The following CNTNAP2 variants were observed in gnomAD, a reference collection of about 807,000 sequenced individuals.
CNTNAP2 encodes the protein contactin-associated protein-like 2.
Under a neutral mutation model 155.2 loss-of-function variants are expected in CNTNAP2, and 98 were observed. The observed-to-expected ratio is 0.63, with a 90% CI of 0.54 to 0.75. CNTNAP2 has a LOEUF of 0.75. CNTNAP2 is among the 30% of genes least tolerant of loss of function. CNTNAP2 has a pLI of 0.00. For missense variants in CNTNAP2, 1,727 were observed against 1,688.1 expected (o/e 1.02, Z -0.40); for synonymous variants, 651 against 631.2 (o/e 1.03, Z -0.47).
At chr7:147,279,808 T>C (rs1441474699) in intron 8 of CNTNAP2, among the ~76,000 whole-genome samples, 1 of 151,894 alleles carries the variant, frequency 6.6e-6, no homozygotes, top group African/African-American at 2.4e-5. Flanking sequence ...AACTATATGA[T>C]TCCTGTCTTG....
At chr7:147,744,815 G>C (rs1797011675) in intron 13 of CNTNAP2, among the ~76,000 whole-genome samples, 1 of 152,210 alleles carries the variant, frequency 6.6e-6, no homozygotes, top group Middle Eastern at 3.4e-3. Flanking sequence ...CTATCAGGGA[G>C]CATGCCCCAC....
chr7:147,349,002 G>A (rs924679955), intron 9 of CNTNAP2, among the ~76,000 whole-genome samples: 15 of 151,936 alleles, frequency 9.9e-5, no homozygotes, highest in African/African-American at 3.4e-4. Context: ...GGCAAGGGAA[G>A]ATAGAGAAAA....
At chr7:148,213,698 T>A (rs969828220) in intron 18 of CNTNAP2, among the ~76,000 whole-genome samples, 2 of 151,868 alleles carry the variant, frequency 1.3e-5, no homozygotes, top group African/African-American at 4.8e-5. Flanking sequence ...ACTGAACTGC[T>A]CAGTGTGTTT....
At chr7:148,294,613 C>A (rs146653136) in intron 21 of CNTNAP2, among the ~76,000 whole-genome samples, 2,153 of 152,226 alleles carry the variant, frequency 0.014, 82 homozygotes, top group Admixed American at 0.084. Context: ...AGTCCACTTT[C>A]TTGTCTATTT....
intron 12 of CNTNAP2, among the ~76,000 whole-genome samples, chr7:147,591,612 T>C (rs527601576): frequency 1.3e-5 from 2 of 152,318 alleles, no homozygotes; most frequent in East Asian, 3.9e-4. Flanking sequence ...TTTTTATTTA[T>C]GTTTATTGGT....
At chr7:146,168,997 T>G (rs116143656) in intron 1 of CNTNAP2, among the ~76,000 whole-genome samples, 2,248 of 152,314 alleles carry the variant, frequency 0.015, 63 homozygotes, top group African/African-American at 0.051. Flanking sequence ...TTTTCCAGGC[T>G]TTCGTACATA....
intron 15 of CNTNAP2, among the ~76,000 whole-genome samples, chr7:148,030,129 G>C (rs2373315): frequency 6.6e-6 from 1 of 151,996 alleles, no homozygotes; most frequent in Non-Finnish European, 1.5e-5. Flanking sequence ...GTTGCTTTCC[G>C]GCTGCTATAG....
chr7:146,798,825 AATT>A (rs1457114262), intron 2 of CNTNAP2, among the ~76,000 whole-genome samples: 4 of 152,200 alleles, frequency 2.6e-5, no homozygotes, highest in African/African-American at 9.7e-5. Flanking sequence ...GCAAAAAGCA[AATT>A]ATAATTACCC....
chr7:147,080,588 G>A (rs1800102007), intron 4 of CNTNAP2, among the ~76,000 whole-genome samples: 1 of 150,034 alleles, frequency 6.7e-6, no homozygotes, highest in African/African-American at 2.4e-5. Flanking sequence ...AAAATCCTAT[G>A]TTTTCTGTAA....
intron 4 of CNTNAP2, among the ~76,000 whole-genome samples, chr7:147,060,643 C>T (rs1001861791): frequency 2.0e-5 from 3 of 151,960 alleles, no homozygotes; most frequent in Non-Finnish European, 4.4e-5. Flanking sequence ...GCGGGCGGAT[C>T]ACGAGGTCAG....
At chr7:146,447,424 AT>A (rs1796417821) in intron 1 of CNTNAP2, among the ~76,000 whole-genome samples, 2 of 152,190 alleles carry the variant, frequency 1.3e-5, no homozygotes, top group Admixed American at 1.3e-4. Context: ...AGGCTATAAT[AT>A]TTTAGTTTCA....
At chr7:148,009,620 GC>G (rs1458494990) in intron 15 of CNTNAP2, among the ~76,000 whole-genome samples, 1 of 152,016 alleles carries the variant, frequency 6.6e-6, no homozygotes, top group Non-Finnish European at 1.5e-5. Flanking sequence ...AGCAAGGACT[GC>G]CTCTTTGTGT....
At chr7:148,166,152 A>T (rs1805654239) in intron 17 of CNTNAP2, among the ~76,000 whole-genome samples, 1 of 151,666 alleles carries the variant, frequency 6.6e-6, no homozygotes, top group Non-Finnish European at 1.5e-5. Context: ...TTTTTTCTCC[A>T]TAGTGGCTAC....
At chr7:146,850,701 T>G (rs1326333103) in intron 3 of CNTNAP2, among the ~76,000 whole-genome samples, 1 of 151,860 alleles carries the variant, frequency 6.6e-6, no homozygotes, top group Non-Finnish European at 1.5e-5. Context: ...TATCTCTGTA[T>G]GAAAGCAAAA....
At chr7:146,555,390 C>T (rs12703822) in intron 1 of CNTNAP2, among the ~76,000 whole-genome samples, 120,917 of 150,814 alleles carry the variant, frequency 0.8, 48,523 homozygotes, top group South Asian at 0.89. Flanking sequence ...CATCTATCTA[C>T]CATCTATTAT....
chr7:146,408,622 A>T, intron 1 of CNTNAP2, among the ~76,000 whole-genome samples: 1 of 87,490 alleles, frequency 1.1e-5, no homozygotes, highest in Non-Finnish European at 2.2e-5. Flanking sequence ...AGGGCCTGTC[A>T]TGGGGTGGGG....
chr7:148,069,336 G>A (rs189229705), intron 15 of CNTNAP2, among the ~76,000 whole-genome samples: 1 of 152,284 alleles, frequency 6.6e-6, no homozygotes, highest in East Asian at 1.9e-4. Flanking sequence ...AGGCCCCCAG[G>A]CTTCAGGATT....
At chr7:146,949,774 A>G (rs1312908629) in intron 3 of CNTNAP2, among the ~76,000 whole-genome samples, 1 of 152,262 alleles carries the variant, frequency 6.6e-6, no homozygotes, top group Non-Finnish European at 1.5e-5. Flanking sequence ...TGAGGCACTT[A>G]CAGACCTGAT....
intron 13 of CNTNAP2, among the ~76,000 whole-genome samples, chr7:147,692,050 G>T (rs1796094748): frequency 2.0e-5 from 3 of 151,980 alleles, no homozygotes; most frequent in Admixed American, 6.6e-5. Flanking sequence ...GACAACTATT[G>T]ATCTTTTTAC....
Sources: gnomAD v4.1 joint callset for allele counts (sites outside exome capture counted in the v4.1 genomes callset) on GRCh38, gnomAD v4.1.1 for gene constraint, MANE v1.5 for transcripts, NCBI Gene and HGNC (gene_info 2026-07-23, HGNC 2026-07-21) for gene names.